Variants in HDAC6 observed in about 807,000 individuals in gnomAD.
HDAC6 encodes protein deacetylase HDAC6.
Under a neutral mutation model 88.9 loss-of-function variants are expected in HDAC6, and 5 were observed. The observed-to-expected ratio is 0.06, with a 90% CI of 0.03 to 0.12. HDAC6 has a LOEUF of 0.12. Ranked by LOEUF, HDAC6 falls within the 10% of genes least tolerant of loss-of-function variation. The pLI, the probability that HDAC6 is intolerant of heterozygous loss-of-function variation, is 1.00. For synonymous variants in HDAC6, 378 were observed against 398.0 expected, an observed-to-expected ratio of 0.95 and a Z score of 0.60; for missense variants, 706 against 1,014.4, an observed-to-expected ratio of 0.70 and a Z score of 4.13.
chrX:48,809,731 G>A (rs1422607561), intron 10 of HDAC6, among the ~76,000 whole-genome samples: 3 of 109,859 alleles, frequency 2.7e-5, no homozygotes, highest in African/African-American at 1.0e-4. Context: ...GAACCCAGGA[G>A]GCAGAGGTTG....
intron 8 of HDAC6, among the ~76,000 whole-genome samples, chrX:48,807,190 G>T (rs1206724561): frequency 1.8e-5 from 2 of 111,742 alleles, no homozygotes; most frequent in East Asian, 2.8e-4. Context: ...TACTCCCTTC[G>T]TACCATCTTT....
intron 19 of HDAC6, 48 bp from the exon 20 acceptor site, chrX:48,817,278 G>A (rs1557028011): frequency 9.2e-7 from 1 of 1,089,153 alleles, no homozygotes; most frequent in South Asian, 2.5e-5. Flanking sequence ...AAGGAAGAAA[G>A]GAAGGTGAGG....
At chrX:48,802,349 T>G in intron 1 of HDAC6, 2 of 870,951 alleles carry the variant, frequency 2.3e-6, no homozygotes, top group Non-Finnish European at 1.4e-6. Context: ...GGGGCGGTGA[T>G]TGGTTGGAAA....
At position 48,806,657 on chromosome X, in the gene HDAC6, G is replaced by C. The variant is rs1296926585; in HGVS notation, c.583G>C (p.Val195Leu). 1.7e-6 allele frequency: 2 copies of C among 1,210,021 alleles called. No individual in the cohort carries two copies. The highest frequency in any genetic ancestry group is 2.2e-6 in the Non-Finnish European group (2 of 894,031). The change falls in exon 8 of 29, where the codon GTG (valine) becomes CTG (leucine). Residue 195 changes from valine (V) to leucine (L), a missense_variant. Transcript: ENST00000334136. ...CLASGSVLRL[V>L]DAVLGAEIRN... ...GGCCTCAGGCTCTGTCCTCAGGCTG[G>C]TGGATGCGGTCCTGGGGGCTGAGAT...
chrX:48,816,743 GCCATGGGGA>G, intron 19 of HDAC6, 110 bp downstream of exon 19: 1 of 628,742 alleles, frequency 1.6e-6, no homozygotes, highest in Non-Finnish European at 2.3e-6. Flanking sequence ...GAGGAAAGGG[GCCATGGGGA>G]GGGGCACGGG....
chrX:48,824,506 A>C (rs1569506062), intron 28 of HDAC6, 38 bp from the exon 29 acceptor site: 1 of 1,153,303 alleles, frequency 8.7e-7, no homozygotes, highest in Admixed American at 2.2e-5. Context: ...AGGGGTCCTC[A>C]CTCTCTCTCA....
chrX:48,814,997 G>T lies in HDAC6; in HGVS notation c.1095G>T (p.Gln365His). 8.3e-7 allele frequency: 1 copy of T among 1,208,874 alleles called. No homozygotes were observed. Among genetic ancestry groups the T allele is most frequent in the African/African-American group, 1.7e-5 (1 of 57,732 alleles). ...EMAATPAGFA[Q>H]LTHLLMGLAG... ...CCGCCACTCCGGCAGGGTTCGCCCA[G>T]CTAACCCACCTGCTCATGGGTCTGG... The change falls in exon 14 of 29, where the codon CAG becomes CAT. Residue 365 changes from glutamine to histidine, a missense_variant. This residue lies in a region of HDAC6 where 106 missense variants were observed against 135.1 expected (regional missense o/e 0.78). Transcript: ENST00000334136.
chrX:48,817,591 A>T, intron 20 of HDAC6, 132 bp downstream of exon 20: 1 of 597,101 alleles, frequency 1.7e-6, no homozygotes, highest in Non-Finnish European at 2.5e-6. Context: ...GTAAGGGTGC[A>T]GTCCTTACCC....
upstream of HDAC6, chrX:48,802,054 A>AGGGGGTGGAGCTGGTTGAAGGAACG: frequency 7.6e-6 from 7 of 916,964 alleles, no homozygotes; most frequent in Non-Finnish European, 9.6e-6. Context: ...GGGTCTGGGC[A>AGGGGGTGGAGCTGGTTGAAGGAACG]GGGGGTGGAG....
Position 48,815,654 on chromosome X carries a change from G to T in HDAC6, c.1324+12G>T, listed in dbSNP as rs782638402. The T allele has an allele frequency of 3.3e-6, 4 of 1,195,344 alleles. No homozygotes were observed. Among genetic ancestry groups the T allele is most frequent in the Non-Finnish European group, 4.5e-6 (4 of 882,392 alleles). On this transcript the variant is annotated intron_variant, in intron 16 of 28. Coordinates refer to ENST00000334136, the MANE Select transcript of HDAC6 (RefSeq NM_006044.4). ...TCTTGTGAGATCAAGTAGGAAGTGG[G>T]GTGTGGGCCTGGTGTGGGGTGGACG...
chrX:48,816,669 G>A, intron 19 of HDAC6, 36 bp downstream of exon 19: 1 of 1,153,008 alleles, frequency 8.7e-7, no homozygotes, highest in Non-Finnish European at 1.2e-6. Flanking sequence ...GGAGGACCTG[G>A]GGGGAATGGA....
chrX:48,812,517 C>G (rs181156772), intron 10 of HDAC6, among the ~76,000 whole-genome samples: 84 of 112,580 alleles, frequency 7.5e-4, no homozygotes, highest in African/African-American at 2.5e-3. Context: ...AAGGAAACTT[C>G]AGCTTATCTT....
At chrX:48,815,728 T>C in intron 16 of HDAC6, 86 bp downstream of exon 16, 1 of 1,054,017 alleles carries the variant, frequency 9.5e-7, no homozygotes, top group South Asian at 1.9e-5. Context: ...CTGACTTTAC[T>C]GGGCTGCCTT....
At chrX:48,804,849 G>C (rs964970275) in intron 4 of HDAC6, among the ~76,000 whole-genome samples, 4 of 107,165 alleles carry the variant, frequency 3.7e-5, no homozygotes, top group Non-Finnish European at 7.7e-5. Context: ...CTCACTATTT[G>C]AGCAGGGATC....
chrX:48,815,665 G>A lies in HDAC6; in HGVS notation c.1324+23G>A, dbSNP rs1557027336. ...CAAGTAGGAAGTGGGGTGTGGGCCT[G>A]GTGTGGGGTGGACGTGGGATGAGCC... is the stretch of plus-strand genomic sequence containing the variant. On this transcript the variant is annotated intron_variant, in intron 16 of 28. Coordinates refer to ENST00000334136, the MANE Select transcript of HDAC6 (RefSeq NM_006044.4). 11 of 1,171,080 alleles carry A rather than the reference G, an allele frequency of 9.4e-6. No homozygotes were observed. In the South Asian group the frequency reaches 1.6e-4, roughly 17 times the overall value.
In HDAC6 at chrX:48,823,317, G is replaced by A. The variant is rs918852973; in HGVS notation, c.2918G>A (p.Gly973Glu). 3 of 1,198,996 alleles carry A rather than the reference G, an allele frequency of 2.5e-6. No homozygotes were observed. In the African/African-American group the frequency reaches 5.3e-5, roughly 21 times the overall value. Residue 973 changes from glycine (G) to glutamate (E), a missense_variant, in exon 25 of 29, where the codon GGA (glycine) becomes GAA (glutamate). Gly to Glu is a moderately conservative substitution (Grantham distance 98). This residue lies in a region of HDAC6 where 13 missense variants were observed against 33.4 expected (regional missense o/e 0.39). Coordinates refer to ENST00000334136, the MANE Select transcript of HDAC6 (RefSeq NM_006044.4). ...ACCACCTCAGAGGATGCTGTTGGGGGAGCCACGCTGGGCCAGACTACCTCA... is the reference window on the plus strand; with the variant it reads ...ACCACCTCAGAGGATGCTGTTGGGGAAGCCACGCTGGGCCAGACTACCTCA... ...DQTTSEDAVGGATLGQTTSEE... is the reference protein window; with the variant it reads ...DQTTSEDAVGEATLGQTTSEE...
intron 10 of HDAC6, chrX:48,814,055 A>AC (rs1355967786): frequency 2.7e-4 from 47 of 172,880 alleles, no homozygotes; most frequent in African/African-American, 1.4e-3. Context: ...GATCTAGAGT[A>AC]CCCCACAGAG....
rs375722411 is a variant in HDAC6, at chrX:48,802,743, G to C, written c.51G>C (p.Arg17Ser). Reference sequence around the variant, plus strand: ...CCACAACCAGGCAGCGAAGAAGTAGGCAGAACCCCCAGTCGCCCCCTCAGG... The same window carrying C: ...CCACAACCAGGCAGCGAAGAAGTAGCCAGAACCCCCAGTCGCCCCCTCAGG... ...DSTTTRQRRS[R>S]QNPQSPPQDS... is the part of the protein sequence containing the mutation. Residue 17 changes from arginine (R) to serine (S), a missense_variant, in exon 2 of 29, where the codon AGG becomes AGC. Around this residue, in one of 9 missense-constraint regions of HDAC6, gnomAD observed 193 missense variants for 258.2 expected, o/e 0.75. Coordinates refer to ENST00000334136, the MANE Select transcript of HDAC6 (RefSeq NM_006044.4). 47 of 1,207,114 alleles carry C rather than the reference G, an allele frequency of 3.9e-5. No individual in the cohort carries two copies. The African/African-American group carries it at 8.1e-4, about 21-fold the overall frequency.
In HDAC6 at chrX:48,823,505, C is replaced by T; in HGVS notation, c.3106C>T (p.Pro1036Ser). The T allele has an allele frequency of 8.3e-7, 1 of 1,210,560 alleles. No individual in the cohort carries two copies. The highest frequency in any genetic ancestry group is 1.1e-6 in the Non-Finnish European group (1 of 894,802). Residue 1036 changes from proline to serine, a missense_variant, in exon 25 of 29, where the codon CCT becomes TCT. This residue lies in a region of HDAC6 where 112 missense variants were observed against 95.1 expected (regional missense o/e 1.18). Transcript: ENST00000334136. ...AGACCACCAGACCCCCCCAACCTCA[C>T]CTGTGCAGGGAACTACACCCCAGAT... ...STDHQTPPTS[P>S]VQGTTPQISP...
Sources: gnomAD v4.1 joint callset for allele counts (sites outside exome capture counted in the v4.1 genomes callset) on GRCh38, gnomAD v4.1.1 for gene constraint, gnomAD v4.1.1 regional missense constraint, MANE v1.5 for transcripts, NCBI Gene and HGNC (gene_info 2026-07-23, HGNC 2026-07-21) for gene names.